The following PRMT8 variants were observed in gnomAD, a reference collection of about 807,000 sequenced individuals.
The protein encoded by PRMT8 is protein arginine N-methyltransferase 8.
Under a neutral mutation model 47.1 loss-of-function variants are expected in PRMT8, and 7 were observed. The ratio of observed to expected loss-of-function variants is 0.15; its 90% confidence interval spans 0.08 to 0.28. The LOEUF is 0.28. PRMT8 is among the 10% of genes least tolerant of loss of function. PRMT8 has a pLI of 1.00. For synonymous variants in PRMT8, 188 were observed against 186.5 expected, an observed-to-expected ratio of 1.01 and a Z score of -0.07; for missense variants, 237 against 505.4, an observed-to-expected ratio of 0.47 and a Z score of 5.09.
intron 1 of PRMT8, among the ~76,000 whole-genome samples, chr12:3,509,322 A>C (rs1865675974): frequency 6.6e-6 from 1 of 151,308 alleles, no homozygotes; most frequent in African/African-American, 2.4e-5. Context: ...CGTTGCTCCT[A>C]CTCTCTCTTC....
At chr12:3,494,477 C>T (rs1472513565) in intron 1 of PRMT8, among the ~76,000 whole-genome samples, 2 of 152,304 alleles carry the variant, frequency 1.3e-5, no homozygotes, top group East Asian at 3.9e-4. Flanking sequence ...AGACTGCCCC[C>T]ACTTCTGATT....
chr12:3,512,676 C>A (rs1365773126), intron 1 of PRMT8, among the ~76,000 whole-genome samples: 1 of 152,212 alleles, frequency 6.6e-6, no homozygotes. Context: ...TGCCCTAGAT[C>A]AGCACTCATT....
chr12:3,529,476 G>A (rs901429933), intron 1 of PRMT8, among the ~76,000 whole-genome samples: 12 of 152,208 alleles, frequency 7.9e-5, no homozygotes, highest in East Asian at 3.9e-4. Flanking sequence ...GAGCAGACCC[G>A]CATATTACCC....
rs958017831 is a variant in PRMT8, at chr12:3,453,313, C to G, written c.48+71871C>G. Among the ~76,000 whole-genome samples, 3 of 152,188 alleles carry G rather than the reference C, an allele frequency of 2.0e-5. No homozygotes were observed. The highest frequency in any genetic ancestry group is 7.2e-5 in the African/African-American group (3 of 41,442). The stretch of plus-strand genomic sequence containing the variant: ...TGACCAAACAGCACCCTTAGGACTC[C>G]TGGGCCTCGGGCCCCAGTGTTGAGT... On this transcript the variant is annotated intron_variant, in intron 1 of 9. Coordinates refer to the PRMT8 transcript ENST00000452611. This position sits in a 1 kb window ranked among gnomAD's most constrained non-coding sequence, Gnocchi z 4.9.
intron 1 of PRMT8, among the ~76,000 whole-genome samples, chr12:3,476,952 G>A (rs1386139697): frequency 1.3e-5 from 2 of 152,222 alleles, no homozygotes; most frequent in African/African-American, 2.4e-5. Context: ...AAGCATTTTA[G>A]AGAGAATCCG....
chr12:3,564,772 AT>A lies in PRMT8; in HGVS notation c.482-3933del, dbSNP rs1293243622. 9.2e-5 allele frequency among the ~76,000 whole-genome samples: 14 copies of A among 152,242 alleles called. No homozygotes were observed. The highest frequency in any genetic ancestry group is 3.1e-4 in the African/African-American group (13 of 41,470). On this transcript the variant is annotated intron_variant, in intron 4 of 9. Transcript: ENST00000382622. This position sits in a 1 kb window ranked among gnomAD's most constrained non-coding sequence, Gnocchi z 4.0. ...CAGCCTACGGCTGCTCGGAATCTTA[AT>A]ATCAATAGCTTAGACCCCCTTGAAA...
chr12:3,556,961 G>A (rs1285528575), intron 4 of PRMT8, among the ~76,000 whole-genome samples: 2 of 152,182 alleles, frequency 1.3e-5, no homozygotes, highest in Admixed American at 1.3e-4. Context: ...CCATAGAAGT[G>A]GGGGAAAGTG....
chr12:3,559,106 A>G (rs1866586258), intron 4 of PRMT8, among the ~76,000 whole-genome samples: 1 of 151,970 alleles, frequency 6.6e-6, no homozygotes, highest in Non-Finnish European at 1.5e-5. Flanking sequence ...CTGTCCATTC[A>G]TTTCACTATA....
chr12:3,564,295 A>T lies in PRMT8; in HGVS notation c.482-4411A>T, dbSNP rs1866683418. Among the ~76,000 whole-genome samples the T allele has an allele frequency of 6.6e-6, 1 of 152,168 alleles. No homozygotes were observed. Among genetic ancestry groups the T allele is most frequent in the Admixed American group, 6.5e-5 (1 of 15,286 alleles). ...TGGCACAGGACCTGCTCTCTGAAAG[A>T]GTGAGGACCTAAAAATGATCACTAA... On this transcript the variant is annotated intron_variant, in intron 4 of 9. Transcript: ENST00000382622. This position sits in a 1 kb window ranked among gnomAD's most constrained non-coding sequence, Gnocchi z 4.0.
chr12:3,411,848 C>T (rs1366330140), intron 1 of PRMT8, among the ~76,000 whole-genome samples: 1 of 152,210 alleles, frequency 6.6e-6, no homozygotes, highest in Non-Finnish European at 1.5e-5. Flanking sequence ...ACTTCCCAGA[C>T]TCCAGAACTT....
Position 3,491,674 on chromosome 12 carries a change from G to A in PRMT8, c.49G>A (p.Ala17Thr), listed in dbSNP as rs1025075724. The change falls in exon 1 of 10, where the codon GCG becomes ACG. Residue 17 changes from alanine to threonine, a missense_variant. Physicochemically the swap from Ala to Thr is moderately conservative, Grantham distance 58 (BLOSUM62 0). This residue lies in a region of PRMT8 where 11 missense variants were observed against 36.1 expected (regional missense o/e 0.31). Transcript: ENST00000382622. ...CTGCCTGCTCCTGAGGAGGAAAATG[G>A]CGGAGAACGCGGCCGAGAGCACCGA... ...SRCLLLRRKM[A>T]ENAAESTEVN... is the part of the protein sequence containing the mutation. 66 of 1,611,628 alleles carry A rather than the reference G, an allele frequency of 4.1e-5. No individual in the cohort carries two copies. The highest frequency in any genetic ancestry group is 5.3e-5 in the Non-Finnish European group (63 of 1,179,714).
chr12:3,422,239 C>T (rs1591544895), intron 1 of PRMT8, among the ~76,000 whole-genome samples: 1 of 152,198 alleles, frequency 6.6e-6, no homozygotes, highest in Non-Finnish European at 1.5e-5. Context: ...GGTGTCAGCT[C>T]CACCTGCCAA....
Position 3,470,407 on chromosome 12 carries a change from C to T in PRMT8, c.49-70199C>T, listed in dbSNP as rs150962609. 2.4e-3 allele frequency among the ~76,000 whole-genome samples: 364 copies of T among 152,232 alleles called. 2 individuals carry two copies. The highest frequency in any genetic ancestry group is 8.4e-3 in the African/African-American group (347 of 41,544). Reference sequence around the variant, plus strand: ...CTGAGTCCAGGTGGAGGGAAGAGGTCGGATGGTAGGGGCTGGGCAGGGGAT... The same window carrying T: ...CTGAGTCCAGGTGGAGGGAAGAGGTTGGATGGTAGGGGCTGGGCAGGGGAT... On this transcript the variant is annotated intron_variant, in intron 1 of 9. Coordinates refer to the PRMT8 transcript ENST00000452611.
rs372613187 is a variant in PRMT8 at position 3,538,622 on chromosome 12, C to T, written c.76-1984C>T. On this transcript the variant is annotated intron_variant, in intron 1 of 9. Coordinates refer to ENST00000382622, the MANE Select transcript of PRMT8 (RefSeq NM_019854.5). The surrounding 1 kb of genome is among the most constrained non-coding windows in gnomAD (Gnocchi z 4.6). ...TGACCATGCACAATGCCCAGACCAG[C>T]TCCGACTTTTTCCTCTCCTTCACAT... The T allele has an allele frequency of 4.5e-4, 233 of 519,040 alleles. 1 individual carries two copies. In the Middle Eastern group the frequency reaches 7.9e-3, roughly 18 times the overall value. The allele number at this position is 519,040 out of a possible 1,614,324, so 32.2% of individuals were successfully genotyped here.
intron 1 of PRMT8, among the ~76,000 whole-genome samples, chr12:3,410,906 A>G (rs150958587): frequency 3.3e-5 from 5 of 152,244 alleles, no homozygotes; most frequent in Non-Finnish European, 7.4e-5. Flanking sequence ...TTACATTTTT[A>G]AGTTCTAAAC....
intron 2 of PRMT8, among the ~76,000 whole-genome samples, chr12:3,542,282 C>T (rs1354885152): frequency 6.6e-6 from 1 of 152,196 alleles, no homozygotes; most frequent in African/African-American, 2.4e-5. Context: ...GGCCTGTGTT[C>T]GGTCCAGAAG....
At position 3,437,041 on chromosome 12, in the gene PRMT8, T is replaced by G. The variant is rs552058980; in HGVS notation, c.48+55599T>G. On this transcript the variant is annotated intron_variant, in intron 1 of 9. Coordinates refer to the PRMT8 transcript ENST00000452611. ...CTTTTAAGTCACGAAAATGAAATAT[T>G]CCAGTTCTGACAATTCAAATGACAG... 2.6e-5 allele frequency among the ~76,000 whole-genome samples: 4 copies of G among 152,310 alleles called. No homozygotes were observed. In the East Asian group the frequency reaches 7.7e-4, roughly 29 times the overall value.
chr12:3,578,673 G>T (rs921965292), intron 7 of PRMT8, among the ~76,000 whole-genome samples: 4 of 152,168 alleles, frequency 2.6e-5, no homozygotes, highest in Non-Finnish European at 4.4e-5. Context: ...AAAGGGATTG[G>T]AGTTCAGGGC....
At chr12:3,505,855 T>C (rs937337012) in intron 1 of PRMT8, among the ~76,000 whole-genome samples, 2 of 152,220 alleles carry the variant, frequency 1.3e-5, no homozygotes, top group Admixed American at 1.3e-4. Flanking sequence ...CTATAACTGA[T>C]TGGAGCTTGT....
Sources: gnomAD v4.1 joint callset for allele counts (sites outside exome capture counted in the v4.1 genomes callset) on GRCh38, gnomAD v4.1.1 for gene constraint, gnomAD v4.1.1 regional missense constraint, Gnocchi (gnomAD v3.1) non-coding constraint, MANE v1.5 for transcripts, NCBI Gene and HGNC (gene_info 2026-07-23, HGNC 2026-07-21) for gene names.